SYCE1: variants seen among roughly 807,000 people sequenced by gnomAD.
SYCE1 encodes synaptonemal complex central element protein 1, also known as cancer/testis antigen 76.
A neutral mutation model predicts 55.1 loss-of-function variants in SYCE1; 37 were observed. That is an observed-to-expected ratio of 0.67 (90% CI 0.52 to 0.88). The LOEUF is 0.88. Among genes scored for constraint, SYCE1 ranks in the 40% least tolerant of loss-of-function variants. The probability of loss-of-function intolerance (pLI) is 0.00; values close to 1 mark genes in which losing one functional copy is unlikely to be tolerated. For synonymous variants in SYCE1, 163 were observed against 159.4 expected, an observed-to-expected ratio of 1.02 and a Z score of -0.17; for missense variants, 399 against 416.4, an observed-to-expected ratio of 0.96 and a Z score of 0.36.
intron 1 of SYCE1, among the ~76,000 whole-genome samples, chr10:133,563,767 C>CA (rs35357465): frequency 0.098 from 14,859 of 151,810 alleles, 894 homozygotes; most frequent in East Asian, 0.25. Context: ...ATTTTGGTCC[C>CA]ACCTGAAATC....
At position 133,559,668 on chromosome 10, in the gene SYCE1, G is replaced by GT. The variant is rs1851775892; in HGVS notation, c.137-309dup. The GT allele has an allele frequency of 9.2e-6, 4 of 435,076 alleles. No individual in the cohort carries two copies. The South Asian group carries it at 1.0e-4, about 11-fold the overall frequency. 27.0% of individuals were successfully genotyped at this position (435,076 alleles called of 1,614,324 possible). A position where few individuals can be genotyped will look rare whatever the true frequency, so the allele number is the denominator to read the frequency against. ...GGACCTGAGGGCCCCAAATCAAGTGGTGGGGGGCAGGCCCTGCAGCAATTT... is the reference window on the plus strand; with the variant it reads ...GGACCTGAGGGCCCCAAATCAAGTGGTTGGGGGGCAGGCCCTGCAGCAATTT... On this transcript the variant is annotated intron_variant, in intron 2 of 12. Coordinates refer to ENST00000343131, the MANE Select transcript of SYCE1 (RefSeq NM_001143764.3).
At chr10:133,565,409 T>A in intron 1 of SYCE1, 48 bp downstream of exon 1, 2 of 1,466,758 alleles carry the variant, frequency 1.4e-6, no homozygotes, top group Non-Finnish European at 1.8e-6. Flanking sequence ...CTGCCCCGCC[T>A]CGGCGAGGTC....
At chr10:133,565,410 C>T in intron 1 of SYCE1, 47 bp downstream of exon 1, 4 of 1,468,152 alleles carry the variant, frequency 2.7e-6, no homozygotes, top group Non-Finnish European at 3.6e-6. Flanking sequence ...TGCCCCGCCT[C>T]GGCGAGGTCA....
intron 5 of SYCE1, 67 bp downstream of exon 5, chr10:133,558,100 C>G: frequency 6.2e-7 from 1 of 1,603,144 alleles, no homozygotes; most frequent in Non-Finnish European, 8.5e-7. Context: ...CTTCAGCTGC[C>G]ATAGGGAGAG....
chr10:133,567,344 G>A (rs1422544352), upstream of SYCE1, among the ~76,000 whole-genome samples: 1 of 151,636 alleles, frequency 6.6e-6, no homozygotes, highest in African/African-American at 2.4e-5. Context: ...AGTGCTTGAG[G>A]TGGGGGTTAG....
rs1029029750 is a variant in SYCE1, at chr10:133,554,850, G to A, written c.*142C>T. 1.0e-5 allele frequency: 15 copies of A among 1,448,808 alleles called. No individual in the cohort carries two copies. Among genetic ancestry groups the A allele is most frequent in the Middle Eastern group, 1.9e-4 (1 of 5,134 alleles). 89.7% of individuals were successfully genotyped at this position (1,448,808 alleles called of 1,614,324 possible). On this transcript the variant is annotated 3_prime_UTR_variant, in exon 13 of 13. Transcript: ENST00000343131. ...GAGATGAGCAATCCAGAGACCAGGA[G>A]GTTAAGGAAGCATTTATTGAAAACC... is the stretch of plus-strand genomic sequence containing the variant.
intron 4 of SYCE1, 100 bp downstream of exon 4, chr10:133,558,777 G>C: frequency 8.4e-7 from 1 of 1,189,428 alleles, no homozygotes; most frequent in African/African-American, 1.5e-5. Context: ...AGAGGGTACA[G>C]GACCCTTGGC....
intron 1 of SYCE1, among the ~76,000 whole-genome samples, chr10:133,562,285 G>C (rs202161589): frequency 1.0e-4 from 14 of 136,716 alleles, no homozygotes; most frequent in African/African-American, 3.4e-4. Flanking sequence ...GTGTGTGTGT[G>C]TGTGTGTGTG....
chr10:133,560,276 G>A, intron 1 of SYCE1, 123 bp from the exon 2 acceptor site: 1 of 745,600 alleles, frequency 1.3e-6, no homozygotes, highest in Admixed American at 2.3e-5. Flanking sequence ...TTGTCCTGAG[G>A]TGGACAGTAC....
intron 2 of SYCE1, 50 bp from the exon 3 acceptor site, chr10:133,559,410 G>A (rs534205090): frequency 1.3e-5 from 21 of 1,577,084 alleles, no homozygotes; most frequent in Admixed American, 1.7e-5. Context: ...GAGTTGGGGC[G>A]GTTGCCAGCC....
chr10:133,562,329 T>A, intron 1 of SYCE1, among the ~76,000 whole-genome samples: 1 of 151,494 alleles, frequency 6.6e-6, no homozygotes, highest in East Asian at 1.9e-4. Flanking sequence ...TTAAAAGGGC[T>A]TCATGATTTT....
Position 133,559,097 on chromosome 10 carries a change from C to G in SYCE1, c.197-146G>C, listed in dbSNP as rs1232596039. 4 of 979,674 alleles carry G rather than the reference C, an allele frequency of 4.1e-6. No homozygotes were observed. In the East Asian group the frequency reaches 1.0e-4, roughly 25 times the overall value. The allele number at this position is 979,674 out of a possible 1,614,324, so 60.7% of individuals were successfully genotyped here. The stretch of plus-strand genomic sequence containing the variant: ...GAGGCTTCCAGCTCTCCTTGCCAGG[C>G]TCTGCTGATAGCAGGGCCAGGATCA... On this transcript the variant is annotated intron_variant, in intron 3 of 12. Transcript: ENST00000343131.
At chr10:133,556,354 C>G (rs1009941822) in intron 8 of SYCE1, 3 of 542,160 alleles carry the variant, frequency 5.5e-6, no homozygotes. Flanking sequence ...ACCGGTTTAG[C>G]TCTGCAGCTC....
upstream of SYCE1, chr10:133,567,930 T>C (rs770273661): frequency 3.7e-6 from 2 of 544,248 alleles, no homozygotes; most frequent in Non-Finnish European, 7.0e-6. Context: ...CGAGGCAGCA[T>C]GGGCAGGACG....
downstream of SYCE1, chr10:133,554,199 A>G (rs987149478): frequency 4.3e-6 from 5 of 1,169,402 alleles, no homozygotes; most frequent in Admixed American, 3.6e-5. Context: ...ATCTTAGAGA[A>G]CTCGTCTGTC....
chr10:133,560,142 A>T lies in SYCE1; in HGVS notation c.85T>A (p.Ser29Thr), dbSNP rs1199170000. 8.7e-6 allele frequency: 14 copies of T among 1,613,998 alleles called. No individual in the cohort carries two copies. The highest frequency in any genetic ancestry group is 1.2e-5 in the Non-Finnish European group (14 of 1,179,974). The change falls in exon 2 of 13, where the codon TCC becomes ACC. Residue 29 changes from serine (S) to threonine (T), a missense_variant. By Grantham distance (58) the Ser-to-Thr change is moderately conservative. Transcript: ENST00000343131. ...ATCAAGTCTTCAATTTTCTGTGAGG[A>T]CGTGTCCTGCCCTGTGGAGACAAAA... ...RAEKAGGQDT[S>T]SQKIEDLMEM... is the part of the protein sequence containing the mutation.
At chr10:133,566,130 G>T (rs1851929782), upstream of SYCE1, among the ~76,000 whole-genome samples, 2 of 152,220 alleles carry the variant, frequency 1.3e-5, no homozygotes, top group Non-Finnish European at 2.9e-5. Context: ...CAAGCCCACG[G>T]TCCCTTCTGC....
upstream of SYCE1, among the ~76,000 whole-genome samples, chr10:133,566,745 G>A (rs1347747283): frequency 6.6e-6 from 1 of 151,680 alleles, no homozygotes; most frequent in Non-Finnish European, 1.5e-5. Flanking sequence ...GTTGGGGTTG[G>A]GATTAGGGTT....
At chr10:133,562,382 GT>G (rs35319869) in intron 1 of SYCE1, among the ~76,000 whole-genome samples, 11 of 149,196 alleles carry the variant, frequency 7.4e-5, no homozygotes, top group Non-Finnish European at 1.5e-4. Flanking sequence ...TTGGGCAAAA[GT>G]TTTTTTTCTT....
Sources: allele counts gnomAD v4.1 joint callset (sites outside exome capture counted in the v4.1 genomes callset), GRCh38; gene constraint gnomAD v4.1.1; transcripts MANE v1.5; gene names NCBI Gene and HGNC (gene_info 2026-07-23, HGNC 2026-07-21).